Variants in LTBP1 observed in about 807,000 individuals in gnomAD.
The protein encoded by LTBP1 is latent transforming growth factor beta binding protein 1.
In LTBP1, 129 loss-of-function variants were observed where a neutral mutation model predicts 207.6. That is an observed-to-expected ratio of 0.62 (90% CI 0.54 to 0.72). The LOEUF is 0.72. LTBP1 is among the 30% of genes least tolerant of loss of function. The pLI, the probability that LTBP1 is intolerant of heterozygous loss-of-function variation, is 0.00. For synonymous variants in LTBP1, 963 were observed against 833.7 expected, an observed-to-expected ratio of 1.16 and a Z score of -2.67; for missense variants, 2,281 against 2,217.2, an observed-to-expected ratio of 1.03 and a Z score of -0.58.
intron 31 of LTBP1, among the ~76,000 whole-genome samples, chr2:33,382,455 C>T (rs1285487613): frequency 6.6e-6 from 1 of 152,130 alleles, no homozygotes; most frequent in African/African-American, 2.4e-5. Flanking sequence ...GAGTTACCTT[C>T]CTTCCTCTTC....
chr2:33,170,226 G>A (rs2085295318), intron 5 of LTBP1, among the ~76,000 whole-genome samples: 1 of 152,194 alleles, frequency 6.6e-6, no homozygotes, highest in Non-Finnish European at 1.5e-5. Flanking sequence ...GAAGCGCAAG[G>A]GGTCAGGGAG....
At chr2:33,039,960 G>A (rs1202323170) in intron 3 of LTBP1, among the ~76,000 whole-genome samples, 2 of 152,148 alleles carry the variant, frequency 1.3e-5, no homozygotes, top group East Asian at 1.9e-4. Context: ...GAGAGTAGGT[G>A]TAAAATCTCG....
chr2:33,270,446 C>A (rs1025420301), intron 15 of LTBP1, among the ~76,000 whole-genome samples: 4 of 151,498 alleles, frequency 2.6e-5, no homozygotes, highest in Non-Finnish European at 5.9e-5. Flanking sequence ...AAAAATTAGC[C>A]GGGCGTGGTG....
intron 2 of LTBP1, among the ~76,000 whole-genome samples, chr2:32,961,321 A>T (rs974760552): frequency 6.6e-6 from 1 of 152,226 alleles, no homozygotes; most frequent in Admixed American, 6.5e-5. Flanking sequence ...GCGGTTTAGG[A>T]TGAAAGTGTG....
chr2:33,331,977 T>G (rs1411267076), intron 24 of LTBP1, among the ~76,000 whole-genome samples: 1 of 152,114 alleles, frequency 6.6e-6, no homozygotes, highest in Non-Finnish European at 1.5e-5. Flanking sequence ...GCATTTTATC[T>G]TACATAATAT....
At chr2:32,983,976 C>G (rs779449626) in intron 2 of LTBP1, among the ~76,000 whole-genome samples, 6 of 152,186 alleles carry the variant, frequency 3.9e-5, no homozygotes, top group South Asian at 2.1e-4. Context: ...TAAAACTGTA[C>G]TGCATAATTT....
intron 21 of LTBP1, 48 bp from the exon 22 acceptor site, chr2:33,301,473 GT>G: frequency 6.6e-7 from 1 of 1,521,674 alleles, no homozygotes; most frequent in East Asian, 2.3e-5. Context: ...GATTGAAAAT[GT>G]TTTTGAAGCA....
At chr2:33,288,331 G>T (rs916348152) in intron 19 of LTBP1, among the ~76,000 whole-genome samples, 4 of 150,368 alleles carry the variant, frequency 2.7e-5, no homozygotes, top group African/African-American at 7.6e-5. Flanking sequence ...ATGGTGGGCT[G>T]TGCCCACCAG....
chr2:33,100,812 T>C (rs757520554), intron 3 of LTBP1, among the ~76,000 whole-genome samples: 1 of 152,228 alleles, frequency 6.6e-6, no homozygotes, highest in Non-Finnish European at 1.5e-5. Context: ...TCCTTTTATG[T>C]CTGTCTTATT....
rs2092415955 is a variant in LTBP1, at chr2:33,243,740, G to C, written c.1955G>C (p.Cys652Ser). The change falls in exon 10 of 34, where the codon TGC (cysteine) becomes TCC (serine). Residue 652 changes from cysteine to serine, a missense_variant. This residue lies in a region of LTBP1 where 1,671 missense variants were observed against 1,634.8 expected (regional missense o/e 1.02). Transcript: ENST00000404816. ...ACCATGGGCAGCTATCGATGTACCT[G>C]CAAAATAGGATTTGGGCCGGATCCT... ...LNTMGSYRCT[C>S]KIGFGPDPTF... 1 of 1,613,914 alleles carries C rather than the reference G, an allele frequency of 6.2e-7. No homozygotes were observed. The highest frequency in any genetic ancestry group is 1.3e-5 in the African/African-American group (1 of 74,926).
At chr2:33,177,632 C>G (rs949484818) in intron 5 of LTBP1, among the ~76,000 whole-genome samples, 1 of 152,174 alleles carries the variant, frequency 6.6e-6, no homozygotes. Context: ...CACACCACTA[C>G]ATTCCAGCCT....
At chr2:33,064,792 G>GC (rs1442152834) in intron 3 of LTBP1, among the ~76,000 whole-genome samples, 3 of 152,138 alleles carry the variant, frequency 2.0e-5, no homozygotes, top group Non-Finnish European at 4.4e-5. Context: ...AACACAGAAG[G>GC]CACATGGGTA....
intron 31 of LTBP1, among the ~76,000 whole-genome samples, chr2:33,383,862 A>G (rs2095242912): frequency 6.6e-6 from 1 of 152,308 alleles, no homozygotes; most frequent in Middle Eastern, 3.4e-3. Flanking sequence ...TAATGCATGA[A>G]AATTGGTCCT....
intron 7 of LTBP1, among the ~76,000 whole-genome samples, chr2:33,215,431 A>G (rs563749354): frequency 2.0e-5 from 3 of 152,328 alleles, no homozygotes; most frequent in African/African-American, 7.2e-5. Context: ...ATTAAAAATA[A>G]TAAAACCTTA....
At chr2:33,262,950 T>C (rs1349605645) in intron 14 of LTBP1, 129 bp downstream of exon 14, 5 of 572,212 alleles carry the variant, frequency 8.7e-6, no homozygotes, top group African/African-American at 1.9e-5. Context: ...TTAAGTATAG[T>C]AATATACTTA....
intron 3 of LTBP1, among the ~76,000 whole-genome samples, chr2:33,067,859 G>A (rs979702909): frequency 3.6e-4 from 55 of 152,242 alleles, no homozygotes; most frequent in African/African-American, 1.3e-3. Flanking sequence ...AAGTAGAAAG[G>A]AAATTTCTAT....
At chr2:33,129,251 C>CA (rs1558674434) in intron 4 of LTBP1, among the ~76,000 whole-genome samples, 1 of 152,148 alleles carries the variant, frequency 6.6e-6, no homozygotes, top group African/African-American at 2.4e-5. Flanking sequence ...TGAAGGGGTT[C>CA]AACTGTCCAG....
At chr2:33,152,046 A>G (rs1235123478) in intron 5 of LTBP1, among the ~76,000 whole-genome samples, 5 of 152,312 alleles carry the variant, frequency 3.3e-5, no homozygotes, top group East Asian at 1.9e-4. Flanking sequence ...AGCAAATGCA[A>G]TAAAAACAAA....
At chr2:33,311,469 T>G (rs1199707649) in intron 23 of LTBP1, among the ~76,000 whole-genome samples, 1 of 151,796 alleles carries the variant, frequency 6.6e-6, no homozygotes, top group Non-Finnish European at 1.5e-5. Flanking sequence ...GTGAGAATAT[T>G]TCCACTTTGG....
Sources: allele counts gnomAD v4.1 joint callset (sites outside exome capture counted in the v4.1 genomes callset), GRCh38; gene constraint gnomAD v4.1.1; regional missense constraint gnomAD v4.1.1; transcripts MANE v1.5; gene names NCBI Gene and HGNC (gene_info 2026-07-23, HGNC 2026-07-21).